The following ATE1 variants were observed in gnomAD, a reference collection of about 807,000 sequenced individuals.
The protein encoded by ATE1 is arginyltransferase 1, also known as arginyl-tRNA--protein transferase 1.
A neutral mutation model predicts 70.5 loss-of-function variants in ATE1; 36 were observed. The observed-to-expected ratio is 0.51, with a 90% confidence interval of 0.39 to 0.67. ATE1 has a LOEUF of 0.67. Among genes scored for constraint, ATE1 ranks in the 30% least tolerant of loss-of-function variants. The pLI, the probability that ATE1 is intolerant of heterozygous loss-of-function variation, is 0.00. For missense variants in ATE1, 593 were observed against 629.5 expected, an observed-to-expected ratio of 0.94 and a Z score of 0.62; for synonymous variants, 232 against 219.3, an observed-to-expected ratio of 1.06 and a Z score of -0.51.
chr10:121,788,762 T>C (rs954781781), intron 11 of ATE1, among the ~76,000 whole-genome samples: 1 of 152,194 alleles, frequency 6.6e-6, no homozygotes, highest in African/African-American at 2.4e-5. Context: ...ATCTCCTCTG[T>C]GGTGGGGTTC....
At chr10:121,896,318 A>G (rs1389384421) in intron 7 of ATE1, among the ~76,000 whole-genome samples, 2 of 152,232 alleles carry the variant, frequency 1.3e-5, no homozygotes, top group Non-Finnish European at 2.9e-5. Flanking sequence ...TGAAGGACTT[A>G]ATTATAAAAT....
intron 8 of ATE1, among the ~76,000 whole-genome samples, chr10:121,869,535 G>A (rs575151872): frequency 4.5e-4 from 68 of 152,306 alleles, no homozygotes; most frequent in Non-Finnish European, 7.2e-4. Context: ...TGCTATAACA[G>A]CACCTCAATA....
At chr10:121,797,933 C>T (rs1196639830) in intron 10 of ATE1, among the ~76,000 whole-genome samples, 1 of 152,184 alleles carries the variant, frequency 6.6e-6, no homozygotes, top group African/African-American at 2.4e-5. Flanking sequence ...TAGAAAACTA[C>T]TTGTTAGAAT....
At chr10:121,795,230 G>A (rs182183614) in intron 10 of ATE1, among the ~76,000 whole-genome samples, 2 of 152,112 alleles carry the variant, frequency 1.3e-5, no homozygotes, top group Non-Finnish European at 2.9e-5. Flanking sequence ...CCTGGGCAAT[G>A]GAGTGAGTCT....
chr10:121,742,132 C>T lies in ATE1; in HGVS notation c.*1548G>A, dbSNP rs1468080964. On this transcript the variant is annotated 3_prime_UTR_variant, in exon 12 of 12. Transcript: ENST00000224652. Reference sequence around the variant, plus strand: ...AATGGCTTTGCTCACTACTCTAGCTCGGTTAGCAGAGTACGCAGCACCTTG... The same window carrying T: ...AATGGCTTTGCTCACTACTCTAGCTTGGTTAGCAGAGTACGCAGCACCTTG... 4 of 152,186 alleles carry T rather than the reference C, an allele frequency of 2.6e-5. No individual in the cohort carries two copies. The highest frequency in any genetic ancestry group is 9.6e-5 in the African/African-American group (4 of 41,452). The allele number at this position is 152,186 out of a possible 1,614,324, so 9.4% of individuals were successfully genotyped here.
chr10:121,758,176 C>A (rs778634796), intron 11 of ATE1, among the ~76,000 whole-genome samples: 39 of 152,118 alleles, frequency 2.6e-4, no homozygotes, highest in Non-Finnish European at 4.0e-4. Context: ...TGAATCAGTT[C>A]ATCTTAGGAT....
intron 8 of ATE1, among the ~76,000 whole-genome samples, chr10:121,865,726 G>A (rs183065009): frequency 6.6e-6 from 1 of 152,162 alleles, no homozygotes; most frequent in African/African-American, 2.4e-5. Flanking sequence ...AAAGCTTAAT[G>A]AGCTCTATTA....
At chr10:121,922,505 C>A in intron 2 of ATE1, 94 bp from the exon 3 acceptor site, 2 of 742,934 alleles carry the variant, frequency 2.7e-6, no homozygotes, top group Non-Finnish European at 4.6e-6. Context: ...GGTTAAAAAT[C>A]TAATCAACAT....
At chr10:121,759,162 T>A (rs1459347671) in intron 11 of ATE1, among the ~76,000 whole-genome samples, 1 of 152,182 alleles carries the variant, frequency 6.6e-6, no homozygotes, top group Non-Finnish European at 1.5e-5. Context: ...AGAAAAGTTC[T>A]TCACAGAAAT....
intron 7 of ATE1, 86 bp from the exon 8 acceptor site, chr10:121,870,124 A>G: frequency 1.2e-5 from 15 of 1,288,822 alleles, no homozygotes; most frequent in Non-Finnish European, 1.7e-5. Context: ...ATTATTATAC[A>G]ATTTTCCAGT....
intron 8 of ATE1, among the ~76,000 whole-genome samples, chr10:121,854,029 G>A (rs148778869): frequency 4.9e-4 from 74 of 152,262 alleles, no homozygotes; most frequent in African/African-American, 1.7e-3. Flanking sequence ...CTGAGTATTA[G>A]GTTCTAACAT....
chr10:121,793,498 A>G (rs1295833718), intron 10 of ATE1, among the ~76,000 whole-genome samples: 2 of 152,174 alleles, frequency 1.3e-5, no homozygotes, highest in Non-Finnish European at 2.9e-5. Context: ...TATGCTCCCA[A>G]GTTGATTTCC....
intron 3 of ATE1, among the ~76,000 whole-genome samples, chr10:121,918,355 G>A (rs1324236130): frequency 1.3e-5 from 2 of 151,304 alleles, no homozygotes; most frequent in African/African-American, 4.9e-5. Flanking sequence ...AAAAGATGAT[G>A]TATAATGAAT....
At chr10:121,891,665 T>C (rs1950583328) in intron 7 of ATE1, among the ~76,000 whole-genome samples, 1 of 152,210 alleles carries the variant, frequency 6.6e-6, no homozygotes, top group Non-Finnish European at 1.5e-5. Flanking sequence ...AGGCAATCTA[T>C]ATTTATCTTT....
chr10:121,852,584 G>A (rs1361904233), intron 8 of ATE1, among the ~76,000 whole-genome samples: 1 of 152,004 alleles, frequency 6.6e-6, no homozygotes, highest in Non-Finnish European at 1.5e-5. Context: ...GGTGGCAGGT[G>A]TCTGTAATCC....
intron 8 of ATE1, among the ~76,000 whole-genome samples, chr10:121,846,867 A>T (rs547758174): frequency 6.6e-6 from 1 of 152,312 alleles, no homozygotes; most frequent in East Asian, 1.9e-4. Context: ...CTTTATTTCC[A>T]TAGAAACAGA....
intron 7 of ATE1, among the ~76,000 whole-genome samples, chr10:121,894,518 G>GCAA (rs1402237032): frequency 6.6e-6 from 1 of 152,136 alleles, no homozygotes; most frequent in Non-Finnish European, 1.5e-5. Flanking sequence ...CAAAATGAAA[G>GCAA]AGTCTAATCA....
intron 4 of ATE1, among the ~76,000 whole-genome samples, chr10:121,912,472 A>C (rs941495484): frequency 1.3e-5 from 2 of 151,586 alleles, no homozygotes; most frequent in African/African-American, 4.8e-5. Flanking sequence ...CAACACAGTG[A>C]AACCCCGTTT....
intron 10 of ATE1, among the ~76,000 whole-genome samples, chr10:121,830,270 G>A (rs1353227606): frequency 6.6e-6 from 1 of 152,186 alleles, no homozygotes; most frequent in Non-Finnish European, 1.5e-5. Flanking sequence ...TTTGGATCAT[G>A]GGAGAACTGC....
Sources: gnomAD v4.1 joint callset for allele counts (sites outside exome capture counted in the v4.1 genomes callset) on GRCh38, gnomAD v4.1.1 for gene constraint, MANE v1.5 for transcripts, NCBI Gene and HGNC (gene_info 2026-07-23, HGNC 2026-07-21) for gene names.